Variants in PDE7B observed in about 807,000 individuals in gnomAD.
PDE7B encodes phosphodiesterase 7B, also known as 3',5'-cyclic-AMP phosphodiesterase 7B.
A neutral mutation model predicts 56.2 loss-of-function variants in PDE7B; 29 were observed. The ratio of observed to expected loss-of-function variants is 0.52; its 90% CI spans 0.38 to 0.70. PDE7B has a LOEUF of 0.70. Among genes scored for constraint, PDE7B ranks in the 30% least tolerant of loss-of-function variants. PDE7B has a pLI of 0.00. For synonymous variants in PDE7B, 197 were observed against 196.9 expected (o/e 1.00, Z 0.00); for missense variants, 490 against 565.0 (o/e 0.87, Z 1.35).
intron 1 of PDE7B, among the ~76,000 whole-genome samples, chr6:135,929,237 T>G (rs532525174): frequency 6.6e-6 from 1 of 152,330 alleles, no homozygotes; most frequent in East Asian, 1.9e-4. Context: ...TTTCAGAGTC[T>G]TGTTACATCA....
intron 3 of PDE7B, among the ~76,000 whole-genome samples, chr6:136,122,921 G>T (rs1356182182): frequency 6.6e-6 from 1 of 152,146 alleles, no homozygotes; most frequent in African/African-American, 2.4e-5. Context: ...CTTCAGGCAA[G>T]CCTCCAGACA....
intron 2 of PDE7B, among the ~76,000 whole-genome samples, chr6:135,995,872 G>GT (rs1306172543): frequency 6.6e-5 from 10 of 151,604 alleles, no homozygotes; most frequent in African/African-American, 2.2e-4. Flanking sequence ...ACATAAAGAG[G>GT]TTTTTTCTTT....
chr6:135,919,444 A>G (rs1321880767), intron 1 of PDE7B, among the ~76,000 whole-genome samples: 1 of 152,174 alleles, frequency 6.6e-6, no homozygotes, highest in Non-Finnish European at 1.5e-5. Flanking sequence ...GTTATGAAAA[A>G]TTTCTACACT....
chr6:136,067,423 T>A (rs553965556), intron 2 of PDE7B, among the ~76,000 whole-genome samples: 45 of 152,314 alleles, frequency 3.0e-4, no homozygotes, highest in African/African-American at 1.1e-3. Context: ...TACTAGACTT[T>A]ATGAAGACCT....
chr6:136,127,617 A>G (rs1778044607), intron 3 of PDE7B, among the ~76,000 whole-genome samples: 1 of 152,182 alleles, frequency 6.6e-6, no homozygotes, highest in Non-Finnish European at 1.5e-5. Context: ...TAAATTTCAG[A>G]AAGTTTGGTT....
intron 2 of PDE7B, among the ~76,000 whole-genome samples, chr6:136,041,405 G>C (rs1309639250): frequency 6.6e-6 from 1 of 152,218 alleles, no homozygotes; most frequent in African/African-American, 2.4e-5. Context: ...TAGGAGTATG[G>C]AATGGAAAGA....
At chr6:135,995,980 A>C (rs1315084883) in intron 2 of PDE7B, among the ~76,000 whole-genome samples, 1 of 152,176 alleles carries the variant, frequency 6.6e-6, no homozygotes, top group Non-Finnish European at 1.5e-5. Flanking sequence ...ACATGCACAC[A>C]CACAGAGAAG....
chr6:135,907,102 CT>C (rs2128193071), intron 1 of PDE7B, among the ~76,000 whole-genome samples: 1 of 152,174 alleles, frequency 6.6e-6, no homozygotes, highest in East Asian at 1.9e-4. Context: ...CAGGAAATCT[CT>C]GCTGAAATCT....
intron 2 of PDE7B, among the ~76,000 whole-genome samples, chr6:135,994,980 T>A (rs1313266745): frequency 6.6e-6 from 1 of 152,146 alleles, no homozygotes. Flanking sequence ...AAACAGCACT[T>A]TCATCAATAG....
At chr6:136,014,967 A>G (rs1414192833) in intron 2 of PDE7B, among the ~76,000 whole-genome samples, 1 of 152,236 alleles carries the variant, frequency 6.6e-6, no homozygotes, top group African/African-American at 2.4e-5. Context: ...GCTGCAAGGA[A>G]TTCTGAAAAA....
intron 1 of PDE7B, among the ~76,000 whole-genome samples, chr6:135,856,671 T>G (rs1250608437): frequency 2.0e-5 from 3 of 152,094 alleles, no homozygotes; most frequent in Admixed American, 6.5e-5. Context: ...CTGCTCTGAG[T>G]GAGAGTTTAC....
intron 2 of PDE7B, among the ~76,000 whole-genome samples, chr6:136,019,004 A>C (rs562088144): frequency 6.6e-6 from 1 of 152,014 alleles, no homozygotes; most frequent in East Asian, 2.0e-4. Flanking sequence ...ATGGCCACCC[A>C]CCCAGCTCAG....
chr6:135,944,935 T>A (rs965353645), intron 1 of PDE7B, among the ~76,000 whole-genome samples: 3 of 152,146 alleles, frequency 2.0e-5, no homozygotes, highest in African/African-American at 7.2e-5. Context: ...GGGAGCACCC[T>A]AGGGTCCTGG....
At chr6:135,915,009 CT>C (rs1393400378) in intron 1 of PDE7B, among the ~76,000 whole-genome samples, 1 of 151,664 alleles carries the variant, frequency 6.6e-6, no homozygotes, top group Non-Finnish European at 1.5e-5. Context: ...AGGAGAATCA[CT>C]TGAACGCAGG....
chr6:135,906,776 A>G (rs538552033), intron 1 of PDE7B, among the ~76,000 whole-genome samples: 52 of 102,058 alleles, frequency 5.1e-4, no homozygotes, highest in African/African-American at 1.2e-3. Flanking sequence ...AAACATTTAC[A>G]TGTCTTCTTT....
intron 1 of PDE7B, among the ~76,000 whole-genome samples, chr6:135,916,185 C>T (rs978095042): frequency 6.6e-6 from 1 of 152,092 alleles, no homozygotes; most frequent in Non-Finnish European, 1.5e-5. Flanking sequence ...ATAAGAGTTT[C>T]AGTTGCTCCA....
chr6:136,038,664 T>C (rs1039082527), intron 2 of PDE7B: 17 of 542,476 alleles, frequency 3.1e-5, no homozygotes, highest in Non-Finnish European at 4.8e-5. Context: ...TCCAAATGTC[T>C]GCTGTATGAT....
intron 2 of PDE7B, among the ~76,000 whole-genome samples, chr6:136,038,723 C>T (rs950525589): frequency 1.2e-4 from 19 of 152,270 alleles, no homozygotes; most frequent in African/African-American, 4.3e-4. Flanking sequence ...GAGCATTTGA[C>T]TGGAAATCAA....
chr6:135,916,064 T>C (rs992370333), intron 1 of PDE7B, among the ~76,000 whole-genome samples: 2 of 152,168 alleles, frequency 1.3e-5, no homozygotes, highest in African/African-American at 4.8e-5. Flanking sequence ...CTTGAATAAG[T>C]AGCTGGGGCA....
Sources: allele counts gnomAD v4.1 joint callset (sites outside exome capture counted in the v4.1 genomes callset), GRCh38; gene constraint gnomAD v4.1.1; transcripts MANE v1.5; gene names NCBI Gene and HGNC (gene_info 2026-07-23, HGNC 2026-07-21).